ENPP2: variants seen among roughly 807,000 people sequenced by gnomAD.
ENPP2 encodes the protein autotaxin.
In ENPP2, 51 loss-of-function variants were observed where a neutral mutation model predicts 120.2. The observed-to-expected ratio is 0.42, with a 90% confidence interval of 0.34 to 0.54. ENPP2 has a LOEUF of 0.54. Among genes scored for constraint, ENPP2 ranks in the 20% least tolerant of loss-of-function variants. ENPP2 has a pLI of 0.04. For synonymous variants in ENPP2, 365 were observed against 366.4 expected (o/e 1.00, Z 0.04); for missense variants, 920 against 1,066.5 (o/e 0.86, Z 1.91).
intron 23 of ENPP2, among the ~76,000 whole-genome samples, chr8:119,564,360 C>T (rs929776378): frequency 6.6e-6 from 1 of 152,218 alleles, no homozygotes; most frequent in South Asian, 2.1e-4. Context: ...ATTCCCACCA[C>T]CAATGCCCAT....
intron 1 of ENPP2, among the ~76,000 whole-genome samples, chr8:119,668,394 ACTTT>A: frequency 6.7e-6 from 1 of 148,846 alleles, no homozygotes; most frequent in South Asian, 2.1e-4. Flanking sequence ...CATGTTCTAT[ACTTT>A]TTTTTTCTTT....
upstream of ENPP2, among the ~76,000 whole-genome samples, chr8:119,640,062 T>C (rs1817229335): frequency 6.6e-6 from 1 of 152,162 alleles, no homozygotes; most frequent in Non-Finnish European, 1.5e-5. Flanking sequence ...TAAAACATGA[T>C]AGCACAAAAG....
At chr8:119,641,267 C>T (rs370372541), upstream of ENPP2, among the ~76,000 whole-genome samples, 11 of 151,518 alleles carry the variant, frequency 7.3e-5, no homozygotes, top group South Asian at 2.1e-3. Flanking sequence ...GTCCCTACCT[C>T]GGCTATCAAA....
intron 19 of ENPP2, among the ~76,000 whole-genome samples, chr8:119,577,633 G>A (rs77242622): frequency 0.077 from 11,775 of 152,234 alleles, 587 homozygotes; most frequent in Admixed American, 0.12. Context: ...GCTCTCTTGT[G>A]TCATTAAATG....
At chr8:119,626,793 G>A in intron 2 of ENPP2, 73 bp from the exon 3 acceptor site, 1 of 1,381,220 alleles carries the variant, frequency 7.2e-7, no homozygotes, top group Non-Finnish European at 1.0e-6. Flanking sequence ...GCACTGGGAA[G>A]CTGTGCGGTG....
chr8:119,653,777 G>A (rs373950502), intron 1 of ENPP2, among the ~76,000 whole-genome samples: 4 of 152,200 alleles, frequency 2.6e-5, no homozygotes, highest in East Asian at 3.9e-4. Flanking sequence ...TCTTACTGCT[G>A]TTCAGGAAAT....
intron 1 of ENPP2, among the ~76,000 whole-genome samples, chr8:119,662,865 C>G (rs558412191): frequency 6.6e-6 from 1 of 152,154 alleles, no homozygotes; most frequent in South Asian, 2.1e-4. Context: ...AATCCCAGGA[C>G]TTTGGGAGGC....
At chr8:119,582,356 TG>T (rs1563692242) in intron 18 of ENPP2, 61 bp downstream of exon 18, 5 of 1,291,562 alleles carry the variant, frequency 3.9e-6, no homozygotes, top group Non-Finnish European at 3.3e-6. Flanking sequence ...GAAAGTTCTA[TG>T]GGCCAGCACT....
intron 9 of ENPP2, among the ~76,000 whole-genome samples, chr8:119,602,008 A>G (rs1223823817): frequency 1.3e-5 from 2 of 152,238 alleles, no homozygotes; most frequent in Non-Finnish European, 2.9e-5. Context: ...CTTTAAAAAC[A>G]TATTTTTATT....
At chr8:119,624,779 A>C (rs1262641675) in intron 3 of ENPP2, among the ~76,000 whole-genome samples, 1 of 152,252 alleles carries the variant, frequency 6.6e-6, no homozygotes, top group Non-Finnish European at 1.5e-5. Context: ...ACATAGATAC[A>C]TACTGAAAAC....
At chr8:119,671,591 A>G (rs1818251357) in intron 1 of ENPP2, among the ~76,000 whole-genome samples, 1 of 152,220 alleles carries the variant, frequency 6.6e-6, no homozygotes, top group South Asian at 2.1e-4. Flanking sequence ...GAGAAATGCC[A>G]TTTAAGCAGT....
In ENPP2 at chr8:119,586,231, ATTC is replaced by A; in HGVS notation, c.1319_1321del (p.Arg440del). ...TTCCACCAATAAATGGATATCCTCAATTCTTCTGTTGTTGGCATAGTGCAAACG... is the reference window on the plus strand; with the variant it reads ...TTCCACCAATAAATGGATATCCTCAATTCTGTTGTTGGCATAGTGCAAACG... On this transcript the variant is annotated inframe_deletion, in exon 15 of 25. Coordinates refer to ENST00000075322, the MANE Select transcript of ENPP2 (RefSeq NM_001040092.3). 2 of 1,614,034 alleles carry A rather than the reference ATTC, an allele frequency of 1.2e-6. No homozygotes were observed. The highest frequency in any genetic ancestry group is 1.7e-6 in the Non-Finnish European group (2 of 1,179,922).
intron 1 of ENPP2, among the ~76,000 whole-genome samples, chr8:119,661,215 T>C (rs1034521285): frequency 6.6e-6 from 1 of 152,072 alleles, no homozygotes; most frequent in Non-Finnish European, 1.5e-5. Context: ...TACCTCATGC[T>C]TGTGGGGCTT....
In ENPP2 at chr8:119,562,881, C is replaced by A; in HGVS notation, c.2397G>T (p.Arg799=). ...LSVSSFILPH[R]PDNEESCNSS... The stretch of plus-strand genomic sequence containing the variant: ...CATTGCAGCTCTCCTCGTTGTCAGG[C>A]CGGTGAGGCAGGATGAAGGAGGACA... Residue 799 remains arginine (R), a synonymous_variant, in exon 24 of 25, where the codon CGG becomes CGT. Coordinates refer to ENST00000075322, the MANE Select transcript of ENPP2 (RefSeq NM_001040092.3). The A allele has an allele frequency of 6.2e-7, 1 of 1,614,018 alleles. No individual in the cohort carries two copies. The highest frequency in any genetic ancestry group is 1.1e-5 in the South Asian group (1 of 91,058).
At chr8:119,647,435 T>C (rs1022064315) in intron 1 of ENPP2, among the ~76,000 whole-genome samples, 2 of 152,198 alleles carry the variant, frequency 1.3e-5, no homozygotes, top group African/African-American at 4.8e-5. Context: ...AGTGAACTAC[T>C]TGGCACAAAG....
chr8:119,575,761 T>TAGCAGTTGC (rs1345502996), intron 19 of ENPP2, among the ~76,000 whole-genome samples: 2 of 152,216 alleles, frequency 1.3e-5, no homozygotes, highest in African/African-American at 4.8e-5. Flanking sequence ...ACTGCAGTTG[T>TAGCAGTTGC]AGCAGTTGCA....
rs1475097144 is a variant in ENPP2, at chr8:119,557,255, T to C, written c.*266A>G. On this transcript the variant is annotated 3_prime_UTR_variant, in exon 25 of 25. Transcript: ENST00000075322. The stretch of plus-strand genomic sequence containing the variant: ...CATTGGAAAATTAATATTTCCTCAA[T>C]GCAAATATCAAATCTGCAGCACCAT... 2.6e-6 allele frequency: 1 copy of C among 379,776 alleles called. No individual in the cohort carries two copies. Among genetic ancestry groups the C allele is most frequent in the Non-Finnish European group, 4.7e-6 (1 of 212,050 alleles). 23.5% of individuals were successfully genotyped at this position (379,776 alleles called of 1,614,324 possible).
chr8:119,569,284 CA>C lies in ENPP2; in HGVS notation c.2003del (p.Leu668TrpfsTer19). 6.2e-7 allele frequency: 1 copy of C among 1,613,970 alleles called. No individual in the cohort carries two copies. Among genetic ancestry groups the C allele is most frequent in the Non-Finnish European group, 8.5e-7 (1 of 1,179,940 alleles). On this transcript the variant is annotated frameshift_variant, in exon 21 of 25. Transcript: ENST00000075322. LOFTEE classifies it high-confidence loss of function. ...ACATCTGCTTATCATTTTTGTAGGC[CA>C]AACAGTTCTGACTGAAACTCGGAGA... ...RVSPSFSQNC[L>X]AYKNDKQMSY... is the part of the protein sequence containing the mutation.
chr8:119,651,064 G>C (rs1249216249), intron 1 of ENPP2, among the ~76,000 whole-genome samples: 3 of 152,028 alleles, frequency 2.0e-5, no homozygotes, highest in South Asian at 2.1e-4. Context: ...AAACAGAAAG[G>C]CTGTCCATAG....
Sources: gnomAD v4.1 joint callset for allele counts (sites outside exome capture counted in the v4.1 genomes callset) on GRCh38, gnomAD v4.1.1 for gene constraint, MANE v1.5 for transcripts, NCBI Gene and HGNC (gene_info 2026-07-23, HGNC 2026-07-21) for gene names.